Variants in ESRRG observed in about 807,000 individuals in gnomAD.
ESRRG encodes estrogen related receptor gamma, also known as estrogen-related receptor gamma.
A neutral mutation model predicts 44.0 loss-of-function variants in ESRRG; 13 were observed. That is an observed-to-expected ratio of 0.30 (90% CI 0.19 to 0.47). ESRRG has a LOEUF of 0.47. ESRRG is among the 20% of genes least tolerant of loss of function. The pLI, the probability that ESRRG is intolerant of heterozygous loss-of-function variation, is 1.00. For synonymous variants in ESRRG, 215 were observed against 214.6 expected, an observed-to-expected ratio of 1.00 and a Z score of -0.02; for missense variants, 395 against 580.6, an observed-to-expected ratio of 0.68 and a Z score of 3.29.
At chr1:216,645,332 GTCA>G (rs142258442) in intron 3 of ESRRG, among the ~76,000 whole-genome samples, 106 of 151,168 alleles carry the variant, frequency 7.0e-4, no homozygotes, top group Middle Eastern at 3.5e-3. Context: ...CATTGATATA[GTCA>G]TCATCATCAT....
chr1:217,109,403 T>C (rs2092635845), intron 1 of ESRRG, among the ~76,000 whole-genome samples: 1 of 152,108 alleles, frequency 6.6e-6, no homozygotes, highest in South Asian at 2.1e-4. Context: ...AAAGCATCTT[T>C]AGCCCAAGCA....
At chr1:216,698,295 A>G (rs2080626264) in intron 1 of ESRRG, among the ~76,000 whole-genome samples, 1 of 152,100 alleles carries the variant, frequency 6.6e-6, no homozygotes, top group African/African-American at 2.4e-5. Context: ...AGGCAGGTGG[A>G]TCACGAAGTC....
chr1:216,971,137 C>G lies in ESRRG; in HGVS notation c.-105-31464G>C, dbSNP rs2071566899. ...AAATAGTGTAGAAGAACATTTCAGC[C>G]ACTGACTGCAGAAAATACTGTTTGA... On this transcript the variant is annotated intron_variant, in intron 1 of 7. Coordinates refer to the ESRRG transcript ENST00000359162. 2.6e-5 allele frequency among the ~76,000 whole-genome samples: 4 copies of G among 152,128 alleles called. No homozygotes were observed. The South Asian group carries it at 8.3e-4, about 32-fold the overall frequency.
chr1:217,136,035 AT>A (rs1254038144), intron 1 of ESRRG, among the ~76,000 whole-genome samples: 2 of 152,020 alleles, frequency 1.3e-5, no homozygotes, highest in Non-Finnish European at 1.5e-5. Context: ...AGTGGTGTTA[AT>A]TTTTGCGGAA....
chr1:217,049,708 T>C (rs1397952083), intron 1 of ESRRG, among the ~76,000 whole-genome samples: 1 of 152,178 alleles, frequency 6.6e-6, no homozygotes, highest in Non-Finnish European at 1.5e-5. Flanking sequence ...TGGCCCATGG[T>C]TGCGGCCTGA....
intron 2 of ESRRG, among the ~76,000 whole-genome samples, chr1:216,881,494 T>C (rs1477473966): frequency 6.6e-6 from 1 of 152,000 alleles, no homozygotes; most frequent in African/African-American, 2.4e-5. Context: ...GGGATGGAGC[T>C]AGGGGTTGGT....
intron 2 of ESRRG, among the ~76,000 whole-genome samples, chr1:216,730,113 G>T (rs7521774): frequency 0.16 from 23,662 of 151,842 alleles, 1,925 homozygotes; most frequent in South Asian, 0.26. Flanking sequence ...CCTTTCCAGT[G>T]CTTCGTTAGC....
rs1013164331 is a variant in ESRRG, at chr1:216,504,135, G to T, written c.*2804C>A. 6.6e-6 allele frequency: 1 copy of T among 152,422 alleles called. No homozygotes were observed. Among genetic ancestry groups the T allele is most frequent in the African/African-American group, 2.4e-5 (1 of 41,398 alleles). 9.4% of individuals were successfully genotyped at this position (152,422 alleles called of 1,614,324 possible). On this transcript the variant is annotated 3_prime_UTR_variant, in exon 7 of 7. Coordinates refer to ENST00000408911, the MANE Select transcript of ESRRG (RefSeq NM_001438.4). ...TATCTCCATCTCAGGTTTTCAGTTG[G>T]TTGGCTCTTACTTCTGAAGCCCAAG...
At chr1:216,775,397 C>A (rs564082622) in intron 2 of ESRRG, among the ~76,000 whole-genome samples, 1 of 152,028 alleles carries the variant, frequency 6.6e-6, no homozygotes, top group African/African-American at 2.4e-5. Context: ...TATGAAATGA[C>A]GTGACTGTTC....
chr1:216,875,184 G>A (rs1389920493), intron 2 of ESRRG, among the ~76,000 whole-genome samples: 3 of 152,046 alleles, frequency 2.0e-5, no homozygotes, highest in South Asian at 2.1e-4. Flanking sequence ...ACCCTAATAC[G>A]AGCCCTGAAA....
At chr1:216,736,012 A>G (rs2089830079) in intron 2 of ESRRG, among the ~76,000 whole-genome samples, 2 of 148,864 alleles carry the variant, frequency 1.3e-5, no homozygotes, top group Non-Finnish European at 3.0e-5. Context: ...ATATATACAC[A>G]CATACATATA....
intron 1 of ESRRG, among the ~76,000 whole-genome samples, chr1:217,128,579 T>C (rs1383098813): frequency 2.6e-5 from 4 of 152,170 alleles, no homozygotes; most frequent in Non-Finnish European, 4.4e-5. Flanking sequence ...TAGATGAATT[T>C]GATAATGATA....
chr1:216,795,674 T>C (rs2094453784), intron 2 of ESRRG, among the ~76,000 whole-genome samples: 1 of 152,110 alleles, frequency 6.6e-6, no homozygotes, highest in Admixed American at 6.6e-5. Flanking sequence ...AAAACATGAA[T>C]ACAATTCTAG....
chr1:216,557,049 G>A (rs951017110), intron 5 of ESRRG, among the ~76,000 whole-genome samples: 5 of 152,154 alleles, frequency 3.3e-5, no homozygotes, highest in African/African-American at 1.2e-4. Flanking sequence ...GTGATCTGAA[G>A]AGAGTCAGAG....
chr1:216,668,110 A>G (rs1403632278), intron 2 of ESRRG, among the ~76,000 whole-genome samples: 2 of 152,150 alleles, frequency 1.3e-5, no homozygotes, highest in Non-Finnish European at 2.9e-5. Context: ...AAATAAATAA[A>G]TAAATAAATA....
intron 1 of ESRRG, among the ~76,000 whole-genome samples, chr1:217,108,098 A>G (rs2092620043): frequency 6.6e-6 from 1 of 152,098 alleles, no homozygotes; most frequent in Non-Finnish European, 1.5e-5. Context: ...GTTTTCCAAA[A>G]ATTCTTCCTG....
At chr1:217,044,934 A>T (rs2084582008) in intron 1 of ESRRG, among the ~76,000 whole-genome samples, 1 of 152,196 alleles carries the variant, frequency 6.6e-6, no homozygotes, top group African/African-American at 2.4e-5. Flanking sequence ...GCTATCTGAG[A>T]TATTAAAACT....
upstream of ESRRG, chr1:216,723,444 T>C: frequency 1.4e-6 from 1 of 712,884 alleles, no homozygotes. Flanking sequence ...ACTCTCCTAA[T>C]CAAGGACTTA....
At chr1:216,834,724 C>T (rs984980211) in intron 2 of ESRRG, among the ~76,000 whole-genome samples, 5 of 152,014 alleles carry the variant, frequency 3.3e-5, no homozygotes, top group African/African-American at 4.8e-5. Flanking sequence ...GCTTTGAGGC[C>T]CTACTCATGG....
Sources: gnomAD v4.1 joint callset for allele counts (sites outside exome capture counted in the v4.1 genomes callset) on GRCh38, gnomAD v4.1.1 for gene constraint, MANE v1.5 for transcripts, NCBI Gene and HGNC (gene_info 2026-07-23, HGNC 2026-07-21) for gene names.